MAP4K5: variants seen among roughly 807,000 people sequenced by gnomAD.
The protein encoded by MAP4K5 is mitogen-activated protein kinase kinase kinase kinase 5, also known as MAPK/ERK kinase kinase kinase 5.
MAP4K5 carries 82 observed loss-of-function variants against 135.6 expected under a neutral mutation model. The observed-to-expected ratio is 0.60, with a 90% CI of 0.51 to 0.73. MAP4K5 has a LOEUF of 0.73. MAP4K5 is among the 30% of genes least tolerant of loss of function. The pLI is 0.00. For missense variants in MAP4K5, 907 were observed against 1,010.9 expected (o/e 0.90, Z 1.39); for synonymous variants, 347 against 335.0 (o/e 1.04, Z -0.39).
intron 1 of MAP4K5, among the ~76,000 whole-genome samples, chr14:50,560,656 G>A (rs1045777936): frequency 3.9e-5 from 6 of 152,232 alleles, no homozygotes; most frequent in Non-Finnish European, 8.8e-5. Context: ...TATGGGGGTG[G>A]GCAGGGGGCT....
At chr14:50,538,761 C>G (rs952144067) in intron 2 of MAP4K5, among the ~76,000 whole-genome samples, 1 of 152,204 alleles carries the variant, frequency 6.6e-6, no homozygotes, top group Admixed American at 6.5e-5. Flanking sequence ...TTGCTAATCT[C>G]AGGATTCCTC....
intron 18 of MAP4K5, among the ~76,000 whole-genome samples, chr14:50,444,316 C>T (rs1251749017): frequency 6.6e-6 from 1 of 152,204 alleles, no homozygotes; most frequent in African/African-American, 2.4e-5. Context: ...AATTGAACTT[C>T]AATCCACCTT....
intron 2 of MAP4K5, chr14:50,542,494 G>A (rs1271338870): frequency 1.3e-5 from 2 of 152,174 alleles, no homozygotes; most frequent in Non-Finnish European, 2.9e-5. Flanking sequence ...GAAATTGGAT[G>A]TTACCTAATT....
chr14:50,549,164 T>C (rs2038671216), intron 1 of MAP4K5, among the ~76,000 whole-genome samples: 2 of 152,048 alleles, frequency 1.3e-5, no homozygotes, highest in African/African-American at 4.8e-5. Context: ...CCATTGTATA[T>C]AAGGGGACCC....
intron 2 of MAP4K5, among the ~76,000 whole-genome samples, chr14:50,511,505 G>T (rs937827350): frequency 6.6e-6 from 1 of 152,054 alleles, no homozygotes; most frequent in African/African-American, 2.4e-5. Flanking sequence ...TACTACTACA[G>T]GATAGCTATA....
At chr14:50,559,160 T>C (rs754462800) in intron 1 of MAP4K5, 1 of 152,122 alleles carries the variant, frequency 6.6e-6, no homozygotes, top group Non-Finnish European at 1.5e-5. Context: ...TAAATTACAT[T>C]GAGAGAGTGT....
At chr14:50,428,571 G>A (rs1169491483) in intron 30 of MAP4K5, 91 bp downstream of exon 30, 4 of 693,956 alleles carry the variant, frequency 5.8e-6, no homozygotes, top group South Asian at 2.3e-5. Context: ...ATTTCTGTGA[G>A]ACAGTGCTGG....
At chr14:50,428,455 T>A (rs1353342046) in intron 30 of MAP4K5, among the ~76,000 whole-genome samples, 2 of 134,286 alleles carry the variant, frequency 1.5e-5, no homozygotes, top group Non-Finnish European at 3.3e-5. Context: ...GGGGTTTCTC[T>A]CCATGTTGGC....
At chr14:50,449,376 ATAAAATATTCTAAAACAT>A (rs2036432300) in intron 14 of MAP4K5, 1 of 152,168 alleles carries the variant, frequency 6.6e-6, no homozygotes, top group African/African-American at 2.4e-5. Context: ...CTTCTTTTCT[ATAAAATATTCTAAAACAT>A]AGAAAAGGAG....
chr14:50,482,519 CT>C, intron 5 of MAP4K5, 103 bp from the exon 6 acceptor site: 1 of 731,382 alleles, frequency 1.4e-6, no homozygotes, highest in South Asian at 1.8e-5. Context: ...TGGCTCACGC[CT>C]GTAATCCCAG....
Position 50,531,989 on chromosome 14 carries a change from C to A in MAP4K5, c.61G>T (p.Glu21Ter). The A allele has an allele frequency of 6.2e-7, 1 of 1,603,636 alleles. No homozygotes were observed. Among genetic ancestry groups the A allele is most frequent in the South Asian group, 1.1e-5 (1 of 89,160 alleles). Residue 21 changes from glutamate (E) to a stop codon, truncating the protein, a stop_gained, in exon 2 of 33, where the codon GAA (glutamate) becomes TAA (stop). Coordinates refer to ENST00000682126, the MANE Select transcript of MAP4K5 (RefSeq NM_006575.6). LOFTEE classifies it high-confidence loss of function. ...ILRRNPQQDYELVQRVGSGTY... is the reference protein window; with the variant it reads ...ILRRNPQQDY ...CCGCTGCCGACCCTCTGGACGAGTTCGTAGTCCTGCTGCGGGTTCCGCCTC... is the reference window on the plus strand; with the variant it reads ...CCGCTGCCGACCCTCTGGACGAGTTAGTAGTCCTGCTGCGGGTTCCGCCTC...
intron 14 of MAP4K5, among the ~76,000 whole-genome samples, chr14:50,454,581 C>A (rs1367635166): frequency 2.0e-5 from 3 of 152,032 alleles, no homozygotes; most frequent in Non-Finnish European, 2.9e-5. Context: ...AAAGACAAGT[C>A]ATTAATAAAG....
intron 5 of MAP4K5, among the ~76,000 whole-genome samples, chr14:50,485,082 A>G (rs775586298): frequency 7.2e-5 from 11 of 152,136 alleles, no homozygotes; most frequent in Non-Finnish European, 7.4e-5. Flanking sequence ...TCTAAACAGT[A>G]TTAGACTGTA....
chr14:50,534,797 T>C (rs1335467677), upstream of MAP4K5, among the ~76,000 whole-genome samples: 2 of 152,248 alleles, frequency 1.3e-5, no homozygotes, highest in African/African-American at 4.8e-5. Flanking sequence ...ATCTTAAGGA[T>C]TTTTAAAATA....
chr14:50,423,274 T>G (rs1477484108), intron 31 of MAP4K5, 98 bp from the exon 32 acceptor site: 8 of 552,198 alleles, frequency 1.4e-5, no homozygotes, highest in Non-Finnish European at 2.6e-5. Flanking sequence ...ACAATAAATA[T>G]TTTTTGGTAG....
intron 2 of MAP4K5, among the ~76,000 whole-genome samples, chr14:50,540,141 C>A (rs2038542642): frequency 6.6e-6 from 1 of 152,144 alleles, no homozygotes; most frequent in Non-Finnish European, 1.5e-5. Flanking sequence ...GGTCAGGTGG[C>A]TCAACTGTCA....
chr14:50,554,060 A>G (rs2038736214), intron 1 of MAP4K5, among the ~76,000 whole-genome samples: 1 of 152,074 alleles, frequency 6.6e-6, no homozygotes, highest in East Asian at 1.9e-4. Context: ...GAACTTATTA[A>G]TGTAACAAAA....
At chr14:50,497,087 A>T (rs183307548) in intron 3 of MAP4K5, among the ~76,000 whole-genome samples, 25 of 152,346 alleles carry the variant, frequency 1.6e-4, no homozygotes, top group Non-Finnish European at 2.9e-5. Flanking sequence ...AATTAGCAGT[A>T]CTTTTTCAGA....
At chr14:50,549,941 A>T (rs951442555) in intron 1 of MAP4K5, among the ~76,000 whole-genome samples, 1 of 152,204 alleles carries the variant, frequency 6.6e-6, no homozygotes, top group African/African-American at 2.4e-5. Context: ...TCTCAGCGTT[A>T]CCTCTGAGAC....
Sources: gnomAD v4.1 joint callset for allele counts (sites outside exome capture counted in the v4.1 genomes callset) on GRCh38, gnomAD v4.1.1 for gene constraint, MANE v1.5 for transcripts, NCBI Gene and HGNC (gene_info 2026-07-23, HGNC 2026-07-21) for gene names.